Variants in COL9A2 observed in about 807,000 individuals in gnomAD.
COL9A2 encodes the protein collagen type IX alpha 2 chain.
In COL9A2, 66 loss-of-function variants were observed where a neutral mutation model predicts 111.6. The ratio of observed to expected loss-of-function variants is 0.59; its 90% CI spans 0.48 to 0.73. COL9A2 has a LOEUF of 0.73. Among genes scored for constraint, COL9A2 ranks in the 30% least tolerant of loss-of-function variants. The probability of loss-of-function intolerance (pLI) is 0.00; values close to 1 mark genes in which losing one functional copy is unlikely to be tolerated. For missense variants in COL9A2, 881 were observed against 954.1 expected, an observed-to-expected ratio of 0.92 and a Z score of 1.01; for synonymous variants, 353 against 364.1, an observed-to-expected ratio of 0.97 and a Z score of 0.35.
rs760643823 is a variant in COL9A2, at chr1:40,317,107, G to A, written c.75+16C>T. The A allele has an allele frequency of 3.2e-6, 5 of 1,559,780 alleles. No individual in the cohort carries two copies. In the South Asian group the frequency reaches 3.5e-5, roughly 11 times the overall value. ...CGCACCCTGGACCCTGGCAGCGGAGGGGCTGCGAAACTTACAATCTGCGCC... is the reference window on the plus strand; with the variant it reads ...CGCACCCTGGACCCTGGCAGCGGAGAGGCTGCGAAACTTACAATCTGCGCC... On this transcript the variant is annotated intron_variant, in intron 1 of 31. Transcript: ENST00000372748. The surrounding 1 kb of genome is among the most constrained non-coding windows in gnomAD (Gnocchi z 4.3).
chr1:40,305,839 A>C, intron 20 of COL9A2, 71 bp from the exon 21 acceptor site: 1 of 1,371,344 alleles, frequency 7.3e-7, no homozygotes, highest in Middle Eastern at 1.8e-4. Context: ...AAACCCAACG[A>C]AGCCTAAACA....
At chr1:40,301,695 G>T in intron 31 of COL9A2, 117 bp downstream of exon 31, 2 of 984,364 alleles carry the variant, frequency 2.0e-6, no homozygotes, top group South Asian at 1.6e-5. Context: ...CAGAAGCTGG[G>T]TATCAAGGAC....
Position 40,304,268 on chromosome 1 carries a change from T to TC in COL9A2, c.1287+51dup, listed in dbSNP as rs1387906677. 2.9e-5 allele frequency: 44 copies of TC among 1,543,292 alleles called. No homozygotes were observed. In the East Asian group the frequency reaches 1.0e-3, roughly 36 times the overall value. Reference sequence around the variant, plus strand: ...AGGATCTGAGTCCTGCCGACCCCACTCCCCCTGTTATAGGGCCCCTTTCCC... The same window carrying TC: ...AGGATCTGAGTCCTGCCGACCCCACTCCCCCCTGTTATAGGGCCCCTTTCCC... On this transcript the variant is annotated intron_variant, in intron 24 of 31. Transcript: ENST00000372748.
chr1:40,310,038 G>T lies in COL9A2; in HGVS notation c.793-47C>A. ...AATCCAGGTCACACAGGCTCAGGGG[G>T]AGCCATGCCCACTCTGTGGCTGTAG... On this transcript the variant is annotated intron_variant, in intron 15 of 31. Coordinates refer to ENST00000372748, the MANE Select transcript of COL9A2 (RefSeq NM_001852.4). This position sits in a 1 kb window ranked among gnomAD's most constrained non-coding sequence, Gnocchi z 4.9. 7 of 1,613,934 alleles carry T rather than the reference G, an allele frequency of 4.3e-6. No individual in the cohort carries two copies. The highest frequency in any genetic ancestry group is 5.9e-6 in the Non-Finnish European group (7 of 1,179,790).
chr1:40,312,195 C>T lies in COL9A2; in HGVS notation c.364-83G>A, dbSNP rs544718069. The T allele has an allele frequency of 5.5e-6, 7 of 1,269,740 alleles. No homozygotes were observed. In the South Asian group the frequency reaches 6.7e-5, roughly 12 times the overall value. The allele number at this position is 1,269,740 out of a possible 1,614,324, so 78.7% of individuals were successfully genotyped here. A position where few individuals can be genotyped will look rare whatever the true frequency, so the allele number is the denominator to read the frequency against. On this transcript the variant is annotated intron_variant, in intron 7 of 31. Transcript: ENST00000372748. The surrounding 1 kb of genome is among the most constrained non-coding windows in gnomAD (Gnocchi z 6.0). Reference sequence around the variant, plus strand: ...AAAGGTAGAGACAGGCACCCAAAGCCCGTTTCTCCACTTTTACTTTTTTTT... The same window carrying T: ...AAAGGTAGAGACAGGCACCCAAAGCTCGTTTCTCCACTTTTACTTTTTTTT...
chr1:40,303,276 G>A lies in COL9A2; in HGVS notation c.1549-91C>T, dbSNP rs1024554840. 140 of 1,339,522 alleles carry A rather than the reference G, an allele frequency of 1.0e-4. No homozygotes were observed. The highest frequency in any genetic ancestry group is 1.4e-4 in the Non-Finnish European group (132 of 953,538). 83.0% of individuals were successfully genotyped at this position (1,339,522 alleles called of 1,614,324 possible). A position where few individuals can be genotyped will look rare whatever the true frequency, so the allele number is the denominator to read the frequency against. ...GGCTGAGCGTGAGGCCGCCATGGAG[G>A]AGACTCTGGTGTTGAGTCATTAATT... On this transcript the variant is annotated intron_variant, in intron 28 of 31. Transcript: ENST00000372748. The surrounding 1 kb of genome is among the most constrained non-coding windows in gnomAD (Gnocchi z 4.6).
In COL9A2 at chr1:40,310,571, A is replaced by G; in HGVS notation, c.684+143T>C. On this transcript the variant is annotated intron_variant, in intron 13 of 31. Transcript: ENST00000372748. The surrounding 1 kb of genome is among the most constrained non-coding windows in gnomAD (Gnocchi z 4.9). ...CCTGTCCCTCATTCCTGACAATTTC[A>G]GCCTCCATCTCCCCATCCAGAGATG... The G allele has an allele frequency of 2.2e-6, 2 of 893,120 alleles. No individual in the cohort carries two copies. Among genetic ancestry groups the G allele is most frequent in the African/African-American group, 1.7e-5 (1 of 60,482 alleles). 55.3% of individuals were successfully genotyped at this position (893,120 alleles called of 1,614,324 possible).
chr1:40,314,143 C>A lies in COL9A2; in HGVS notation c.249+62G>T. 6.4e-7 allele frequency: 1 copy of A among 1,559,918 alleles called. No individual in the cohort carries two copies. The highest frequency in any genetic ancestry group is 8.8e-7 in the Non-Finnish European group (1 of 1,131,700). ...GAACAGATCAGTGAAGATGCCAGAG[C>A]CAGGCCCTGGAGGTCAATTGGCAGA... is the stretch of plus-strand genomic sequence containing the variant. On this transcript the variant is annotated intron_variant, in intron 4 of 31. Coordinates refer to ENST00000372748, the MANE Select transcript of COL9A2 (RefSeq NM_001852.4). This position sits in a 1 kb window ranked among gnomAD's most constrained non-coding sequence, Gnocchi z 4.1.
At position 40,314,024 on chromosome 1, in the gene COL9A2, C is replaced by T. The variant is rs750777728; in HGVS notation, c.249+181G>A. On this transcript the variant is annotated intron_variant, in intron 4 of 31. Coordinates refer to ENST00000372748, the MANE Select transcript of COL9A2 (RefSeq NM_001852.4). This position sits in a 1 kb window ranked among gnomAD's most constrained non-coding sequence, Gnocchi z 4.1. ...ACCCCGGTTGCCTGCAAATCAATGACCCTGGGTGAGAGTGAGGTTCCAGGA... is the reference window on the plus strand; with the variant it reads ...ACCCCGGTTGCCTGCAAATCAATGATCCTGGGTGAGAGTGAGGTTCCAGGA... 6.6e-6 allele frequency among the ~76,000 whole-genome samples: 1 copy of T among 152,176 alleles called. No individual in the cohort carries two copies. The highest frequency in any genetic ancestry group is 2.4e-5 in the African/African-American group (1 of 41,442).
chr1:40,309,898 C>T (rs757276316), intron 16 of COL9A2, 40 bp downstream of exon 16: 2 of 1,610,032 alleles, frequency 1.2e-6, no homozygotes, highest in Non-Finnish European at 1.7e-6. Flanking sequence ...CCAGTACTCC[C>T]CAGGGGTCCT....
At chr1:40,304,686 G>T in intron 22 of COL9A2, 108 bp downstream of exon 22, 1 of 1,394,108 alleles carries the variant, frequency 7.2e-7, no homozygotes, top group Non-Finnish European at 9.9e-7. Flanking sequence ...GCAAACCTAG[G>T]CCCTGCCTGG....
Position 40,303,230 on chromosome 1 carries a change from C to T in COL9A2, c.1549-45G>A, listed in dbSNP as rs1351938052. Reference sequence around the variant, plus strand: ...AGGAAGAAGCCCCTGGCTACAAGGGCCCACCGCTCCTATCCCACCTGGCTG... The same window carrying T: ...AGGAAGAAGCCCCTGGCTACAAGGGTCCACCGCTCCTATCCCACCTGGCTG... On this transcript the variant is annotated intron_variant, in intron 28 of 31. Transcript: ENST00000372748. The surrounding 1 kb of genome is among the most constrained non-coding windows in gnomAD (Gnocchi z 4.6). The T allele has an allele frequency of 6.4e-7, 1 of 1,573,430 alleles. No individual in the cohort carries two copies. The highest frequency in any genetic ancestry group is 8.7e-7 in the Non-Finnish European group (1 of 1,152,482).
At position 40,300,764 on chromosome 1, in the gene COL9A2, A is replaced by C; in HGVS notation, c.*418T>G. On this transcript the variant is annotated 3_prime_UTR_variant, in exon 32 of 32. Transcript: ENST00000372748. This position sits in a 1 kb window ranked among gnomAD's most constrained non-coding sequence, Gnocchi z 4.4. ...GGGATCAGGAACTGGCATAGACCTCAGTCATTGGTCCTCAAGCTGAGGGGT... is the reference window on the plus strand; with the variant it reads ...GGGATCAGGAACTGGCATAGACCTCCGTCATTGGTCCTCAAGCTGAGGGGT... The C allele has an allele frequency of 5.3e-6, 1 of 186,926 alleles. No homozygotes were observed. Among genetic ancestry groups the C allele is most frequent in the Non-Finnish European group, 1.1e-5 (1 of 88,580 alleles). The allele number at this position is 186,926 out of a possible 1,614,324, so 11.6% of individuals were successfully genotyped here.
intron 2 of COL9A2, chr1:40,315,336 T>A (rs1179657474): frequency 1.5e-6 from 2 of 1,340,324 alleles, no homozygotes; most frequent in Non-Finnish European, 1.9e-6. Context: ...GAGGCCTCGC[T>A]GTGAGCTGCG....
chr1:40,301,858 T>TTC lies in COL9A2; in HGVS notation c.1822_1823dup (p.Val609LysfsTer140), dbSNP rs1643919865. On this transcript the variant is annotated frameshift_variant, in exon 31 of 32. Coordinates refer to ENST00000372748, the MANE Select transcript of COL9A2 (RefSeq NM_001852.4). LOFTEE classifies it high-confidence loss of function. ...GCATCCCGGGGTGCCCCCGTCCCAC[T>TTC]TCTCCTGGATCACCCTTCTCTCCAC... 3.7e-6 allele frequency: 6 copies of TTC among 1,614,024 alleles called. No homozygotes were observed. The South Asian group carries it at 6.6e-5, about 18-fold the overall frequency.
At position 40,302,725 on chromosome 1, in the gene COL9A2, G is replaced by A. The variant is rs200949841; in HGVS notation, c.1688C>T (p.Pro563Leu). The change falls in exon 30 of 32, where the codon CCC becomes CTC. Residue 563 changes from proline (P) to leucine (L), a missense_variant. Coordinates refer to ENST00000372748, the MANE Select transcript of COL9A2 (RefSeq NM_001852.4). This position sits in a 1 kb window ranked among gnomAD's most constrained non-coding sequence, Gnocchi z 4.5. ...GCCCTGCTTGCCTGGGTACCCAGGGGGCCCAGGAGGTCCTGGAGGACCCAT... is the reference window on the plus strand; with the variant it reads ...GCCCTGCTTGCCTGGGTACCCAGGGAGCCCAGGAGGTCCTGGAGGACCCAT... ...GMMGPPGPPG[P>L]PGYPGKQGPH... 2 of 1,574,198 alleles carry A rather than the reference G, an allele frequency of 1.3e-6. No homozygotes were observed. The highest frequency in any genetic ancestry group is 1.7e-6 in the Non-Finnish European group (2 of 1,161,134).
chr1:40,309,564 G>T (rs1336208767), intron 16 of COL9A2, among the ~76,000 whole-genome samples: 1 of 151,558 alleles, frequency 6.6e-6, no homozygotes, highest in Non-Finnish European at 1.5e-5. Flanking sequence ...TTCGCCTAAA[G>T]TCTGAATTTG....
chr1:40,310,605 T>C lies in COL9A2; in HGVS notation c.684+109A>G. ...CTCCCCATCCAGAGATGCTCCCAGC[T>C]AGACACAGGTGTCTCTTTTACAAGC... On this transcript the variant is annotated intron_variant, in intron 13 of 31. Coordinates refer to ENST00000372748, the MANE Select transcript of COL9A2 (RefSeq NM_001852.4). This position sits in a 1 kb window ranked among gnomAD's most constrained non-coding sequence, Gnocchi z 4.9. The C allele has an allele frequency of 9.7e-7, 1 of 1,036,158 alleles. No individual in the cohort carries two copies. Among genetic ancestry groups the C allele is most frequent in the East Asian group, 2.6e-5 (1 of 38,578 alleles). The allele number at this position is 1,036,158 out of a possible 1,614,324, so 64.2% of individuals were successfully genotyped here. A position where few individuals can be genotyped will look rare whatever the true frequency, so the allele number is the denominator to read the frequency against.
At position 40,312,441 on chromosome 1, in the gene COL9A2, T is replaced by A; in HGVS notation, c.363+15A>T. The A allele has an allele frequency of 1.2e-6, 2 of 1,612,988 alleles. No individual in the cohort carries two copies. The highest frequency in any genetic ancestry group is 8.5e-7 in the Non-Finnish European group (1 of 1,179,542). ...TGGGAGTTCTGGGGATCCTGCCCCA[T>A]CCCTGAGGACTTACAGGAGGTCCAG... On this transcript the variant is annotated intron_variant, in intron 7 of 31. Transcript: ENST00000372748. This position sits in a 1 kb window ranked among gnomAD's most constrained non-coding sequence, Gnocchi z 6.0.
Sources: gnomAD v4.1 joint callset for allele counts (sites outside exome capture counted in the v4.1 genomes callset) on GRCh38, gnomAD v4.1.1 for gene constraint, Gnocchi (gnomAD v3.1) non-coding constraint, MANE v1.5 for transcripts, NCBI Gene and HGNC (gene_info 2026-07-23, HGNC 2026-07-21) for gene names.